Variants in RELA observed in about 807,000 individuals in gnomAD.
RELA encodes the protein transcription factor p65.
Under a neutral mutation model 56.7 loss-of-function variants are expected in RELA, and 14 were observed. The ratio of observed to expected loss-of-function variants is 0.25; its 90% CI spans 0.16 to 0.39. RELA has a LOEUF of 0.39. RELA is among the 10% of genes least tolerant of loss of function. The pLI is 1.00. For missense variants in RELA, 559 were observed against 736.4 expected, an observed-to-expected ratio of 0.76 and a Z score of 2.79; for synonymous variants, 315 against 289.7, an observed-to-expected ratio of 1.09 and a Z score of -0.89.
intron 5 of RELA, 155 bp downstream of exon 5, chr11:65,659,969 C>A: frequency 8.7e-7 from 1 of 1,147,028 alleles, no homozygotes; most frequent in East Asian, 2.4e-5. Context: ...CATGTCCCCT[C>A]CTGGGACTCA....
At position 65,654,501 on chromosome 11, in the gene RELA, G is replaced by C; in HGVS notation, c.1533C>G (p.Pro511=). The C allele has an allele frequency of 6.2e-7, 1 of 1,602,004 alleles. No individual in the cohort carries two copies. Among genetic ancestry groups the C allele is most frequent in the East Asian group, 2.2e-5 (1 of 44,826 alleles). Residue 511 remains proline (P), a synonymous_variant, in exon 11 of 11, where the codon CCC becomes CCG. Coordinates refer to ENST00000406246, the MANE Select transcript of RELA (RefSeq NM_021975.4). The part of the protein sequence containing the change: ...TRLVTGAQRP[P]DPAPAPLGAP... ...CCCCCAGTGGAGCAGGAGCTGGGTC[G>C]GGGGGCCTCTGGGCCCCTGTCACTA...
rs1204154931 is a variant in RELA at position 65,662,844 on chromosome 11, C to T, written c.-12G>A. ...ACCTCACCGTCCATGGCCGGGGTCCCGGGGGCGGGGCCGGGGTCGCAGCTG... is the reference window on the plus strand; with the variant it reads ...ACCTCACCGTCCATGGCCGGGGTCCTGGGGGCGGGGCCGGGGTCGCAGCTG... On this transcript the variant is annotated 5_prime_UTR_variant, in exon 1 of 11. Transcript: ENST00000406246. 3 of 1,196,320 alleles carry T rather than the reference C, an allele frequency of 2.5e-6. No individual in the cohort carries two copies. The highest frequency in any genetic ancestry group is 3.1e-6 in the Non-Finnish European group (3 of 965,126). The allele number at this position is 1,196,320 out of a possible 1,614,324, so 74.1% of individuals were successfully genotyped here. A position where few individuals can be genotyped will look rare whatever the true frequency, so the allele number is the denominator to read the frequency against.
rs1294817370 is a variant in RELA at position 65,658,556 on chromosome 11, C to T, written c.665-57G>A. Reference sequence around the variant, plus strand: ...TGTGTCTAACCCTCCATGGTCTCCCCCTCAACTTCTGATGCTTGTCTTCTG... The same window carrying T: ...TGTGTCTAACCCTCCATGGTCTCCCTCTCAACTTCTGATGCTTGTCTTCTG... On this transcript the variant is annotated intron_variant, in intron 7 of 10. Transcript: ENST00000406246. This position sits in a 1 kb window ranked among gnomAD's most constrained non-coding sequence, Gnocchi z 4.5. The T allele has an allele frequency of 6.8e-7, 1 of 1,475,460 alleles. No homozygotes were observed. Among genetic ancestry groups the T allele is most frequent in the Non-Finnish European group, 9.3e-7 (1 of 1,069,896 alleles). 91.4% of individuals were successfully genotyped at this position (1,475,460 alleles called of 1,614,324 possible). A position where few individuals can be genotyped will look rare whatever the true frequency, so the allele number is the denominator to read the frequency against.
Position 65,654,276 on chromosome 11 carries a change from G to T in RELA, c.*102C>A. ...CCCCTCCAAGGAAGACATCCACAAA[G>T]TTGGGGGCAGTTGGAACACACCCCA... On this transcript the variant is annotated 3_prime_UTR_variant, in exon 11 of 11. Coordinates refer to ENST00000406246, the MANE Select transcript of RELA (RefSeq NM_021975.4). The T allele has an allele frequency of 6.9e-7, 1 of 1,442,138 alleles. No homozygotes were observed. The highest frequency in any genetic ancestry group is 9.7e-7 in the Non-Finnish European group (1 of 1,031,532). 89.3% of individuals were successfully genotyped at this position (1,442,138 alleles called of 1,614,324 possible).
At position 65,658,447 on chromosome 11, in the gene RELA, A is replaced by G; in HGVS notation, c.717T>C (p.Phe239=). The G allele has an allele frequency of 6.2e-7, 1 of 1,613,270 alleles. No homozygotes were observed. Among genetic ancestry groups the G allele is most frequent in the South Asian group, 1.1e-5 (1 of 91,014 alleles). Residue 239 remains phenylalanine, a synonymous_variant, in exon 8 of 11, where the codon TTT becomes TTC. Coordinates refer to ENST00000406246, the MANE Select transcript of RELA (RefSeq NM_021975.4). The surrounding 1 kb of genome is among the most constrained non-coding windows in gnomAD (Gnocchi z 4.5). The stretch of plus-strand genomic sequence containing the variant: ...CTTGTCGGTGCACATCAGCTTGCGA[A>G]AAGGAGCCTCGGGCCTCCCAGCCTG... The part of the protein sequence containing the change: ...TGPGWEARGS[F]SQADVHRQVA...
chr11:65,662,127 C>T, intron 2 of RELA, 39 bp from the exon 3 acceptor site: 5 of 1,602,208 alleles, frequency 3.1e-6, no homozygotes, highest in South Asian at 1.1e-5. Flanking sequence ...GCGGCTGCCC[C>T]CACTGCCCTA....
intron 4 of RELA, chr11:65,660,485 T>TTCCCACCTGGACACTCAG: frequency 2.0e-6 from 1 of 504,666 alleles, no homozygotes; most frequent in Non-Finnish European, 3.6e-6. Flanking sequence ...AGGACACTCA[T>TTCCCACCTGGACACTCAG]TCCCACCTCA....
intron 6 of RELA, 127 bp downstream of exon 6, chr11:65,659,539 A>G: frequency 8.2e-7 from 1 of 1,219,400 alleles, no homozygotes. Context: ...TGGGCAGAGA[A>G]GAGTAGACAA....
At chr11:65,659,253 T>C (rs989221946) in intron 6 of RELA, among the ~76,000 whole-genome samples, 1 of 152,200 alleles carries the variant, frequency 6.6e-6, no homozygotes, top group Non-Finnish European at 1.5e-5. Context: ...CCATTCATCC[T>C]GCTGGTTACT....
chr11:65,662,847 G>C lies in RELA; in HGVS notation c.-15C>G, dbSNP rs910073804. On this transcript the variant is annotated 5_prime_UTR_variant, in exon 1 of 11. Transcript: ENST00000406246. ...TCACCGTCCATGGCCGGGGTCCCGG[G>C]GGCGGGGCCGGGGTCGCAGCTGGGC... 6.7e-6 allele frequency: 8 copies of C among 1,194,890 alleles called. No homozygotes were observed. The African/African-American group carries it at 1.3e-4, about 19-fold the overall frequency. The allele number at this position is 1,194,890 out of a possible 1,614,324, so 74.0% of individuals were successfully genotyped here.
chr11:65,656,177 C>T (rs1324544820), intron 8 of RELA, among the ~76,000 whole-genome samples: 1 of 152,194 alleles, frequency 6.6e-6, no homozygotes, highest in Non-Finnish European at 1.5e-5. Flanking sequence ...GTACAGGGGC[C>T]ATGCTCTGGG....
chr11:65,654,245 G>A lies in RELA; in HGVS notation c.*133C>T, dbSNP rs1856356408. Reference sequence around the variant, plus strand: ...TACTGACAATAAAAGAATAAAATATGGCTCCCCCCTCCAAGGAAGACATCC... The same window carrying A: ...TACTGACAATAAAAGAATAAAATATAGCTCCCCCCTCCAAGGAAGACATCC... On this transcript the variant is annotated 3_prime_UTR_variant, in exon 11 of 11. Coordinates refer to ENST00000406246, the MANE Select transcript of RELA (RefSeq NM_021975.4). 13 of 1,053,244 alleles carry A rather than the reference G, an allele frequency of 1.2e-5. No homozygotes were observed. Among genetic ancestry groups the A allele is most frequent in the Non-Finnish European group, 1.9e-5 (13 of 690,788 alleles). The allele number at this position is 1,053,244 out of a possible 1,614,324, so 65.2% of individuals were successfully genotyped here. A position where few individuals can be genotyped will look rare whatever the true frequency, so the allele number is the denominator to read the frequency against.
rs553594905 is a variant in RELA at position 65,660,035 on chromosome 11, CTG to C, written c.427+87_427+88del. ...AATGGGCACCAAGATTCCAGCTTTACTGTGTCTTGGCCAGTGAGGGAGATGCA... is the reference window on the plus strand; with the variant it reads ...AATGGGCACCAAGATTCCAGCTTTACTGTCTTGGCCAGTGAGGGAGATGCA... On this transcript the variant is annotated intron_variant, in intron 5 of 10. Coordinates refer to ENST00000406246, the MANE Select transcript of RELA (RefSeq NM_021975.4). 1.1e-4 allele frequency: 146 copies of C among 1,345,040 alleles called. No individual in the cohort carries two copies. The African/African-American group carries it at 1.9e-3, about 18-fold the overall frequency. 83.3% of individuals were successfully genotyped at this position (1,345,040 alleles called of 1,614,324 possible).
intron 1 of RELA, chr11:65,662,454 C>T (rs1283747160): frequency 2.0e-6 from 1 of 503,986 alleles, no homozygotes; most frequent in East Asian, 3.4e-5. Context: ...GTTGTACTTT[C>T]TTAAGGAAAA....
At position 65,662,895 on chromosome 11, in the gene RELA, G is replaced by A. The variant is rs1173647046; in HGVS notation, c.-63C>T. 2 of 1,169,578 alleles carry A rather than the reference G, an allele frequency of 1.7e-6. No individual in the cohort carries two copies. The highest frequency in any genetic ancestry group is 7.4e-5 in the East Asian group (2 of 26,916). 72.5% of individuals were successfully genotyped at this position (1,169,578 alleles called of 1,614,324 possible). A position where few individuals can be genotyped will look rare whatever the true frequency, so the allele number is the denominator to read the frequency against. On this transcript the variant is annotated 5_prime_UTR_variant, in exon 1 of 11. Coordinates refer to ENST00000406246, the MANE Select transcript of RELA (RefSeq NM_021975.4). ...GGCCCGCGGCGTGCACTACAGACGA[G>A]CCATTCGCCAGAGGCGGAAATGCGC... is the stretch of plus-strand genomic sequence containing the variant.
Position 65,658,224 on chromosome 11 carries a change from T to C in RELA, c.877+63A>G, listed in dbSNP as rs1856478260. The C allele has an allele frequency of 2.3e-6, 3 of 1,298,024 alleles. No homozygotes were observed. Among genetic ancestry groups the C allele is most frequent in the East Asian group, 5.1e-5 (2 of 39,402 alleles). 80.4% of individuals were successfully genotyped at this position (1,298,024 alleles called of 1,614,324 possible). On this transcript the variant is annotated intron_variant, in intron 8 of 10. Transcript: ENST00000406246. The surrounding 1 kb of genome is among the most constrained non-coding windows in gnomAD (Gnocchi z 4.5). ...CTCAACCACAGCCCCAGACATGCAG[T>C]CTTGGCCTCTCTCTCACGGCACAGA...
In RELA at chr11:65,654,218, G is replaced by A; in HGVS notation, c.*160C>T. ...ACCTCCAAAAAGAGAGAGAGATACA[G>A]ATACTGACAATAAAAGAATAAAATA... On this transcript the variant is annotated 3_prime_UTR_variant, in exon 11 of 11. Transcript: ENST00000406246. 1 of 875,284 alleles carries A rather than the reference G, an allele frequency of 1.1e-6. No homozygotes were observed. Among genetic ancestry groups the A allele is most frequent in the Non-Finnish European group, 1.9e-6 (1 of 533,764 alleles). The allele number at this position is 875,284 out of a possible 1,614,324, so 54.2% of individuals were successfully genotyped here. A position where few individuals can be genotyped will look rare whatever the true frequency, so the allele number is the denominator to read the frequency against.
At chr11:65,660,707 C>T (rs11227248) in intron 4 of RELA, 38,581 of 159,246 alleles carry the variant, frequency 0.24, 5,994 homozygotes, top group Non-Finnish European at 0.35. Flanking sequence ...TCTGACAGCA[C>T]CTTGTTTATT....
chr11:65,662,547 G>A (rs1303998378), intron 1 of RELA: 2 of 426,734 alleles, frequency 4.7e-6, no homozygotes, highest in Non-Finnish European at 4.1e-6. Context: ...CGAAGCCAGA[G>A]CTGCCCCCAT....
Sources: allele counts gnomAD v4.1 joint callset (sites outside exome capture counted in the v4.1 genomes callset), GRCh38; gene constraint gnomAD v4.1.1; non-coding constraint Gnocchi (gnomAD v3.1); transcripts MANE v1.5; gene names NCBI Gene and HGNC (gene_info 2026-07-23, HGNC 2026-07-21).